The following TDP1 variants were observed in gnomAD, a reference collection of about 807,000 sequenced individuals.
TDP1 encodes the protein tyrosyl-DNA phosphodiesterase 1, also known as tyr-DNA phosphodiesterase 1.
A neutral mutation model predicts 81.5 loss-of-function variants in TDP1; 64 were observed. That is an observed-to-expected ratio of 0.79 (90% CI 0.64 to 0.97). The LOEUF (loss-of-function observed/expected upper bound fraction) is 0.97, where lower values mean the gene tolerates loss of function less well. Among genes scored for constraint, TDP1 ranks in the 50% least tolerant of loss-of-function variants. The probability of loss-of-function intolerance (pLI) is 0.00; values close to 1 mark genes in which losing one functional copy is unlikely to be tolerated. For missense variants in TDP1, 723 were observed against 743.8 expected (o/e 0.97, Z 0.33); for synonymous variants, 256 against 264.3 (o/e 0.97, Z 0.30).
rs142047423 is a variant in TDP1, at chr14:89,964,894, A to G, written c.559+1221A>G. 377 of 443,598 alleles carry G rather than the reference A, an allele frequency of 8.5e-4. 2 individuals are homozygous for G. The highest frequency in any genetic ancestry group is 7.0e-3 in the African/African-American group (348 of 49,534). The allele number at this position is 443,598 out of a possible 1,614,324, so 27.5% of individuals were successfully genotyped here. ...TGTTACAATCGTATTCCTTGGATAA[A>G]TGATGCATCTGCACTTTAGAAAAGT... On this transcript the variant is annotated intron_variant, in intron 3 of 16. Coordinates refer to ENST00000335725, the MANE Select transcript of TDP1 (RefSeq NM_018319.4).
Position 89,963,276 on chromosome 14 carries a change from T to G in TDP1, c.162T>G (p.Ala54=). 4 of 1,614,124 alleles carry G rather than the reference T, an allele frequency of 2.5e-6. No individual in the cohort carries two copies. Among genetic ancestry groups the G allele is most frequent in the Non-Finnish European group, 3.4e-6 (4 of 1,180,014 alleles). Residue 54 remains alanine (A), a synonymous_variant, in exon 3 of 17, where the codon GCT becomes GCG. Coordinates refer to ENST00000335725, the MANE Select transcript of TDP1 (RefSeq NM_018319.4). ...PRYTCSEAQK[A]AHKRKISPVK... ...ACACCTGTTCCGAGGCCCAGAAAGC[T>G]GCACACAAGAGGAAAATATCACCTG...
At chr14:89,988,771 G>A in intron 10 of TDP1, 134 bp from the exon 11 acceptor site, 1 of 1,527,214 alleles carries the variant, frequency 6.5e-7, no homozygotes, top group South Asian at 1.2e-5. Flanking sequence ...GTGTGGGTAT[G>A]AAATTGATCA....
chr14:90,035,078 G>A (rs928704055), intron 16 of TDP1, among the ~76,000 whole-genome samples: 1 of 144,230 alleles, frequency 6.9e-6, no homozygotes, highest in African/African-American at 2.6e-5. Flanking sequence ...CCTCTGTCCC[G>A]CTAACCATTC....
intron 13 of TDP1, chr14:89,993,139 T>C: frequency 1.0e-6 from 1 of 984,502 alleles, no homozygotes. Flanking sequence ...ATGGCAAAAA[T>C]GGAAAGGCTA....
chr14:89,955,820 G>A (rs935233515), upstream of TDP1: 2 of 140,922 alleles, frequency 1.4e-5, no homozygotes, highest in African/African-American at 6.5e-5. Context: ...AACACCCGGC[G>A]GGCTTTAGGA....
At chr14:90,017,066 A>G (rs894874479) in intron 14 of TDP1, among the ~76,000 whole-genome samples, 1 of 152,358 alleles carries the variant, frequency 6.6e-6, no homozygotes, top group South Asian at 2.1e-4. Context: ...AGTTTTCAAC[A>G]GAAGCCAGGA....
chr14:89,977,306 T>A (rs1014545669), intron 7 of TDP1, among the ~76,000 whole-genome samples: 6 of 151,542 alleles, frequency 4.0e-5, no homozygotes, highest in African/African-American at 1.5e-4. Flanking sequence ...AAAAAAAAAT[T>A]TTTTTTTTGT....
chr14:89,987,692 C>G (rs1437291096), intron 10 of TDP1, among the ~76,000 whole-genome samples: 2 of 152,026 alleles, frequency 1.3e-5, no homozygotes, highest in African/African-American at 4.8e-5. Flanking sequence ...TACTGCTGTC[C>G]CTCGAGGCAG....
At chr14:90,040,056 TG>T (rs1888214105) in intron 16 of TDP1, among the ~76,000 whole-genome samples, 1 of 152,092 alleles carries the variant, frequency 6.6e-6, no homozygotes, top group African/African-American at 2.4e-5. Flanking sequence ...CAGGGAGAGA[TG>T]GGACAGAGAC....
intron 14 of TDP1, among the ~76,000 whole-genome samples, chr14:89,997,880 C>T (rs1896776701): frequency 6.6e-6 from 1 of 152,152 alleles, no homozygotes; most frequent in Non-Finnish European, 1.5e-5. Flanking sequence ...TGAGCACCTA[C>T]TATGCACCAC....
At chr14:90,024,354 CT>C (rs1886416657) in intron 15 of TDP1, among the ~76,000 whole-genome samples, 1 of 152,174 alleles carries the variant, frequency 6.6e-6, no homozygotes, top group Non-Finnish European at 1.5e-5. Context: ...CCAGGCACCC[CT>C]CCTCTGCATC....
chr14:90,019,899 G>A (rs1251208393), intron 15 of TDP1, among the ~76,000 whole-genome samples: 1 of 152,136 alleles, frequency 6.6e-6, no homozygotes, highest in Admixed American at 6.6e-5. Context: ...AAAGGAATTG[G>A]TAGTAGCACA....
chr14:90,001,132 G>A (rs1897156405), intron 14 of TDP1, among the ~76,000 whole-genome samples: 1 of 152,182 alleles, frequency 6.6e-6, no homozygotes, highest in African/African-American at 2.4e-5. Flanking sequence ...TTGACTTCCT[G>A]ATCATTTGGA....
rs35914661 is a variant in TDP1, at chr14:89,984,143, C to T, written c.885-373C>T. On this transcript the variant is annotated intron_variant, in intron 8 of 16. Transcript: ENST00000335725. ...CACTAGTAGCATGGATTTGCTTTAA[C>T]CGTTAAGAGTAGAATTCTTAACTCT... The T allele has an allele frequency of 8.8e-3, 8,626 of 985,312 alleles. 553 individuals carry two copies. In the African/African-American group the frequency reaches 0.14, roughly 15 times the overall value. 61.0% of individuals were successfully genotyped at this position (985,312 alleles called of 1,614,324 possible). A position where few individuals can be genotyped will look rare whatever the true frequency, so the allele number is the denominator to read the frequency against.
In TDP1 at chr14:89,985,228, A is replaced by G. The variant is rs1030182248; in HGVS notation, c.1131+18A>G. 1.4e-5 allele frequency: 21 copies of G among 1,472,926 alleles called. No individual in the cohort carries two copies. Among genetic ancestry groups the G allele is most frequent in the Non-Finnish European group, 1.8e-5 (19 of 1,066,016 alleles). 91.2% of individuals were successfully genotyped at this position (1,472,926 alleles called of 1,614,324 possible). On this transcript the variant is annotated intron_variant, in intron 10 of 16. Transcript: ENST00000335725. The stretch of plus-strand genomic sequence containing the variant: ...TTAAGAAGGTAACAGAACTTTTACT[A>G]TTTTAACATTTTTAAAAAATTTAAT...
chr14:90,023,073 C>T, intron 15 of TDP1: 2 of 761,920 alleles, frequency 2.6e-6, no homozygotes, highest in Non-Finnish European at 4.8e-6. Flanking sequence ...AGGCTTCGTT[C>T]TCTGGTAACG....
At chr14:89,993,169 G>T (rs1416275677) in intron 13 of TDP1, 1 of 983,722 alleles carries the variant, frequency 1.0e-6, no homozygotes, top group Non-Finnish European at 1.2e-6. Context: ...AGGTTGCAGT[G>T]CTTCTTGTGA....
intron 14 of TDP1, among the ~76,000 whole-genome samples, chr14:90,002,858 G>A (rs1041972019): frequency 3.9e-5 from 6 of 152,112 alleles, no homozygotes; most frequent in Non-Finnish European, 8.8e-5. Flanking sequence ...AGGCAACAGA[G>A]TGAGACCCTG....
At chr14:90,031,654 C>T (rs1795407723) in intron 15 of TDP1, among the ~76,000 whole-genome samples, 1 of 151,992 alleles carries the variant, frequency 6.6e-6, no homozygotes. Flanking sequence ...GAGACTCTGT[C>T]TCCAAAAAAC....
Sources: allele counts gnomAD v4.1 joint callset (sites outside exome capture counted in the v4.1 genomes callset), GRCh38; gene constraint gnomAD v4.1.1; transcripts MANE v1.5; gene names NCBI Gene and HGNC (gene_info 2026-07-23, HGNC 2026-07-21).